The following PVT1 variants were observed in gnomAD, a reference collection of about 807,000 sequenced individuals.
The protein encoded by PVT1 is Pvt1 oncogene.
intron 3 of PVT1, among the ~76,000 whole-genome samples, chr8:127,921,306 T>C (rs1816054029): frequency 6.6e-6 from 1 of 151,154 alleles, no homozygotes. Flanking sequence ...GATGTCTCTC[T>C]ATGCAAATCA....
chr8:127,821,125 G>T (rs530714755), intron 2 of PVT1, among the ~76,000 whole-genome samples: 26 of 152,224 alleles, frequency 1.7e-4, no homozygotes, highest in African/African-American at 5.5e-4. Context: ...TCAATGAAAG[G>T]TTATCAAACT....
At chr8:128,066,037 C>T (rs1050587245) in intron 4 of PVT1, among the ~76,000 whole-genome samples, 6 of 152,178 alleles carry the variant, frequency 3.9e-5, no homozygotes, top group Admixed American at 1.3e-4. Flanking sequence ...GTGACAATTA[C>T]TATGAAGAAA....
intron 3 of PVT1, among the ~76,000 whole-genome samples, chr8:127,972,688 G>A (rs941260810): frequency 2.0e-5 from 3 of 152,018 alleles, no homozygotes; most frequent in Admixed American, 6.6e-5. Flanking sequence ...GCAGTAAGCC[G>A]AGATCCCGCT....
In PVT1 at chr8:127,842,295, C is replaced by T. The variant is rs184277573; in HGVS notation, n.372+46224C>T. On this transcript the variant is annotated intron_variant and non_coding_transcript_variant, in intron 2 of 10. Coordinates refer to ENST00000651587, the Ensembl canonical transcript of PVT1. ...TTTAAGAAAGAATTTTGCTCCATCACCCAGGCTGGAGTGCAGAAGTACAAT... is the reference window on the plus strand; with the variant it reads ...TTTAAGAAAGAATTTTGCTCCATCATCCAGGCTGGAGTGCAGAAGTACAAT... Among the ~76,000 whole-genome samples the T allele has an allele frequency of 4.0e-4, 60 of 151,232 alleles. 1 individual carries two copies. In the East Asian group the frequency reaches 0.011, roughly 28 times the overall value.
At chr8:127,821,349 A>G (rs1226905306) in intron 2 of PVT1, among the ~76,000 whole-genome samples, 1 of 152,190 alleles carries the variant, frequency 6.6e-6, no homozygotes, top group African/African-American at 2.4e-5. Flanking sequence ...AAATTGCACA[A>G]TGGATTATAA....
intron 4 of PVT1, among the ~76,000 whole-genome samples, chr8:128,024,281 T>C (rs1413738322): frequency 6.6e-6 from 1 of 152,134 alleles, no homozygotes; most frequent in Non-Finnish European, 1.5e-5. Context: ...TGAGATCTCA[T>C]GGGCCAGTGG....
chr8:127,926,051 G>C (rs1377064290), intron 3 of PVT1, among the ~76,000 whole-genome samples: 2 of 152,144 alleles, frequency 1.3e-5, no homozygotes, highest in Non-Finnish European at 2.9e-5. Flanking sequence ...GTGGAGAAAA[G>C]GTGGGACTCT....
intron 3 of PVT1, among the ~76,000 whole-genome samples, chr8:127,983,375 T>C (rs1381958290): frequency 6.6e-6 from 1 of 152,190 alleles, no homozygotes; most frequent in Non-Finnish European, 1.5e-5. Flanking sequence ...TAAGGTGACA[T>C]AGGTTTTTTT....
chr8:128,099,073 C>T (rs533653226), intron 6 of PVT1, among the ~76,000 whole-genome samples: 6 of 152,324 alleles, frequency 3.9e-5, no homozygotes, highest in South Asian at 4.1e-4. Context: ...ATTAATACTC[C>T]GAGATGAAGT....
intron 5 of PVT1, among the ~76,000 whole-genome samples, chr8:128,095,585 T>C (rs1192209510): frequency 6.6e-6 from 1 of 152,234 alleles, no homozygotes; most frequent in East Asian, 1.9e-4. Context: ...TGCCCATTTC[T>C]TTACATATTG....
intron 2 of PVT1, among the ~76,000 whole-genome samples, chr8:127,854,107 C>T (rs980291561): frequency 6.6e-6 from 1 of 152,182 alleles, no homozygotes; most frequent in African/African-American, 2.4e-5. Flanking sequence ...CATGGCCTTG[C>T]CCTCCGTAGG....
At chr8:128,075,801 G>A (rs1210329002) in intron 5 of PVT1, among the ~76,000 whole-genome samples, 1 of 152,056 alleles carries the variant, frequency 6.6e-6, no homozygotes, top group Admixed American at 6.6e-5. Context: ...GTTTCATGTG[G>A]ATGTACCCAC....
intron 4 of PVT1, among the ~76,000 whole-genome samples, chr8:128,037,485 T>A (rs1012464536): frequency 1.3e-5 from 2 of 152,238 alleles, no homozygotes; most frequent in African/African-American, 2.4e-5. Context: ...CCTGAGGCCG[T>A]GTCGGCAACA....
At chr8:127,921,854 G>GTTTTTTTGTTTTTTTTTTTTTT (rs1816063128) in intron 3 of PVT1, among the ~76,000 whole-genome samples, 10 of 71,924 alleles carry the variant, frequency 1.4e-4, no homozygotes, top group African/African-American at 6.1e-4. Context: ...TTTGGTTCAT[G>GTTTTTTTGTTTTTTTTTTTTTT]TTTTTTTTTT....
chr8:128,006,142 T>TAAA (rs1482490887), intron 4 of PVT1, among the ~76,000 whole-genome samples: 27 of 133,058 alleles, frequency 2.0e-4, no homozygotes, highest in South Asian at 1.2e-3. Flanking sequence ...ATAATAATAA[T>TAAA]AATAATAAAA....
At position 127,970,737 on chromosome 8, in the gene PVT1, CA is replaced by C. The variant is rs1816757034; in HGVS notation, n.783-18419del. Among the ~76,000 whole-genome samples, 3 of 151,902 alleles carry C rather than the reference CA, an allele frequency of 2.0e-5. 1 individual carries two copies. The highest frequency in any genetic ancestry group is 7.3e-5 in the African/African-American group (3 of 41,334). On this transcript the variant is annotated intron_variant and non_coding_transcript_variant, in intron 3 of 10. Transcript: ENST00000651587. Reference sequence around the variant, plus strand: ...AATAAAGCTATGTAAGACACCTCCCCAAAAAATAAAAACAAAAACTAAAGAC... The same window carrying C: ...AATAAAGCTATGTAAGACACCTCCCCAAAAATAAAAACAAAAACTAAAGAC...
intron 4 of PVT1, among the ~76,000 whole-genome samples, chr8:128,066,252 G>A: frequency 6.6e-6 from 1 of 152,164 alleles, no homozygotes; most frequent in East Asian, 1.9e-4. Flanking sequence ...CCAAGGAGTA[G>A]TGAGCAGAAT....
intron 3 of PVT1, among the ~76,000 whole-genome samples, chr8:127,938,512 T>C (rs1463507511): frequency 6.6e-5 from 10 of 152,248 alleles, no homozygotes; most frequent in African/African-American, 2.4e-4. Context: ...GGCTGTATCC[T>C]GTGGCTTCAA....
At chr8:127,853,279 T>C (rs190822673) in intron 2 of PVT1, among the ~76,000 whole-genome samples, 24 of 152,126 alleles carry the variant, frequency 1.6e-4, no homozygotes, top group African/African-American at 4.3e-4. Context: ...GTGAGCAGCA[T>C]AGGATTTTGA....
Sources: allele counts gnomAD v4.1 joint callset (sites outside exome capture counted in the v4.1 genomes callset), GRCh38; gene constraint gnomAD v4.1.1; transcripts MANE v1.5; gene names NCBI Gene and HGNC (gene_info 2026-07-23, HGNC 2026-07-21).